The following BCAR3 variants were observed in gnomAD, a reference collection of about 807,000 sequenced individuals.
BCAR3 encodes breast cancer anti-estrogen resistance protein 3.
A neutral mutation model predicts 80.1 loss-of-function variants in BCAR3; 37 were observed. The observed-to-expected ratio is 0.46, with a 90% CI of 0.36 to 0.61. The LOEUF (loss-of-function observed/expected upper bound fraction) is 0.61. BCAR3 is among the 20% of genes least tolerant of loss of function. The probability of loss-of-function intolerance (pLI) is 0.00; values close to 1 mark genes in which losing one functional copy is unlikely to be tolerated. For synonymous variants in BCAR3, 389 were observed against 418.9 expected (o/e 0.93, Z 0.87); for missense variants, 978 against 1,068.2 (o/e 0.92, Z 1.18).
intron 2 of BCAR3, among the ~76,000 whole-genome samples, chr1:93,657,289 TA>T (rs915944622): frequency 2.0e-5 from 3 of 152,106 alleles, no homozygotes; most frequent in Non-Finnish European, 4.4e-5. Flanking sequence ...TATAAACATT[TA>T]AAAAAACCTG....
At chr1:93,746,059 C>T (rs1170054688) in intron 2 of BCAR3, among the ~76,000 whole-genome samples, 14 of 152,194 alleles carry the variant, frequency 9.2e-5, no homozygotes, top group South Asian at 2.1e-4. Context: ...GCAACTTGCA[C>T]GAAAAATTCA....
chr1:93,570,540 T>C (rs12093585), intron 9 of BCAR3, among the ~76,000 whole-genome samples: 6,202 of 152,294 alleles, frequency 0.041, 408 homozygotes, highest in African/African-American at 0.14. Context: ...ACACTCATCC[T>C]AAAAAATCCC....
intron 11 of BCAR3, among the ~76,000 whole-genome samples, chr1:93,566,513 T>C (rs1483620163): frequency 6.6e-6 from 1 of 152,110 alleles, no homozygotes; most frequent in African/African-American, 2.4e-5. Flanking sequence ...GGAGGCTGCT[T>C]TCTGTCACCA....
At chr1:93,829,819 C>T (rs963012737) in intron 2 of BCAR3, among the ~76,000 whole-genome samples, 4 of 152,200 alleles carry the variant, frequency 2.6e-5, no homozygotes, top group African/African-American at 9.6e-5. Context: ...TGATCTGTGT[C>T]CCCACCCAAA....
chr1:93,565,675 T>C (rs2101796710), intron 11 of BCAR3, among the ~76,000 whole-genome samples: 1 of 152,360 alleles, frequency 6.6e-6, no homozygotes, highest in Admixed American at 6.5e-5. Context: ...TGTTGACTTG[T>C]GTGCTTTTAT....
chr1:93,585,864 G>A (rs760054459), intron 5 of BCAR3, among the ~76,000 whole-genome samples: 28 of 151,994 alleles, frequency 1.8e-4, no homozygotes, highest in Non-Finnish European at 3.7e-4. Flanking sequence ...TCAGCCTCTC[G>A]AGTAGCTGGG....
intron 9 of BCAR3, among the ~76,000 whole-genome samples, chr1:93,571,266 C>T (rs954115692): frequency 1.5e-4 from 23 of 151,310 alleles, no homozygotes; most frequent in African/African-American, 5.1e-4. Context: ...TCCAGCACTT[C>T]GGGAGGCTGA....
chr1:93,725,616 A>G (rs528125503), intron 2 of BCAR3, among the ~76,000 whole-genome samples: 2 of 152,244 alleles, frequency 1.3e-5, no homozygotes, highest in Admixed American at 6.5e-5. Context: ...ATTAATTTTA[A>G]TGTAGCTTAA....
At position 93,760,070 on chromosome 1, in the gene BCAR3, G is replaced by A. The variant is rs542285960; in HGVS notation, c.-62-53928C>T. On this transcript the variant is annotated intron_variant, in intron 2 of 13. Coordinates refer to the BCAR3 transcript ENST00000370244. ...TAAACTAGGTGTGAAAGCAGGAACAGGATTCAGATAAAAAAGCAGGTGTTC... is the reference window on the plus strand; with the variant it reads ...TAAACTAGGTGTGAAAGCAGGAACAAGATTCAGATAAAAAAGCAGGTGTTC... 2.0e-5 allele frequency among the ~76,000 whole-genome samples: 3 copies of A among 152,224 alleles called. No individual in the cohort carries two copies. In the South Asian group the frequency reaches 6.2e-4, roughly 32 times the overall value.
chr1:93,735,150 G>A (rs569186282), intron 2 of BCAR3, among the ~76,000 whole-genome samples: 1 of 152,338 alleles, frequency 6.6e-6, no homozygotes, highest in East Asian at 1.9e-4. Context: ...AACAATGTGA[G>A]TTTTAGGCCC....
At chr1:93,785,855 T>G (rs184518368) in intron 2 of BCAR3, among the ~76,000 whole-genome samples, 1 of 152,224 alleles carries the variant, frequency 6.6e-6, no homozygotes, top group Non-Finnish European at 1.5e-5. Flanking sequence ...CCTGAAACAA[T>G]AGTATAGTGG....
chr1:93,584,183 C>T, intron 5 of BCAR3, 62 bp from the exon 6 acceptor site: 2 of 1,461,300 alleles, frequency 1.4e-6, no homozygotes, highest in South Asian at 2.5e-5. Flanking sequence ...AACTTTTAGG[C>T]AATGCCATGG....
At chr1:93,702,911 A>ACCTGAT (rs939119986) in intron 3 of BCAR3, among the ~76,000 whole-genome samples, 1 of 152,180 alleles carries the variant, frequency 6.6e-6, no homozygotes, top group Non-Finnish European at 1.5e-5. Flanking sequence ...GAGGCTTCAG[A>ACCTGAT]CCTGATCCTG....
intron 2 of BCAR3, among the ~76,000 whole-genome samples, chr1:93,707,566 G>A (rs1343058531): frequency 6.6e-6 from 1 of 152,120 alleles, no homozygotes; most frequent in Non-Finnish European, 1.5e-5. Context: ...AATTAGCCAG[G>A]TGTGGTGGCG....
intron 2 of BCAR3, among the ~76,000 whole-genome samples, chr1:93,660,288 A>G (rs1475932573): frequency 6.6e-6 from 1 of 152,250 alleles, no homozygotes; most frequent in Non-Finnish European, 1.5e-5. Context: ...GCAACAGAAC[A>G]GCACTGCTGC....
At chr1:93,603,711 C>T (rs1361930854) in intron 3 of BCAR3, among the ~76,000 whole-genome samples, 1 of 152,176 alleles carries the variant, frequency 6.6e-6, no homozygotes, top group East Asian at 1.9e-4. Flanking sequence ...TAAATGAAAC[C>T]CAAGGACTTA....
intron 2 of BCAR3, among the ~76,000 whole-genome samples, chr1:93,726,579 AG>A (rs1472162823): frequency 1.3e-5 from 2 of 152,182 alleles, no homozygotes; most frequent in Admixed American, 6.5e-5. Flanking sequence ...GGCCTTCTTT[AG>A]TACCTTTGGA....
At chr1:93,827,711 G>A (rs1014160107) in intron 2 of BCAR3, among the ~76,000 whole-genome samples, 3 of 151,980 alleles carry the variant, frequency 2.0e-5, no homozygotes, top group Admixed American at 6.6e-5. Flanking sequence ...GGGAGGGAGG[G>A]AAAGAGAGAG....
chr1:93,845,502 A>ATCTCTATATCTCATGTTGTCAAG, intron 2 of BCAR3: 4 of 113,822 alleles, frequency 3.5e-5, no homozygotes, highest in Admixed American at 9.5e-5. Flanking sequence ...ATATATATAT[A>ATCTCTATATCTCATGTTGTCAAG]AAACTTTGTT....
Sources: allele counts gnomAD v4.1 joint callset (sites outside exome capture counted in the v4.1 genomes callset), GRCh38; gene constraint gnomAD v4.1.1; transcripts MANE v1.5; gene names NCBI Gene and HGNC (gene_info 2026-07-23, HGNC 2026-07-21).